GUF1: variants seen among roughly 807,000 people sequenced by gnomAD.
The protein encoded by GUF1 is GTP binding elongation factor GUF1, also known as translation factor GUF1, mitochondrial.
Under a neutral mutation model 82.4 loss-of-function variants are expected in GUF1, and 78 were observed. The observed-to-expected ratio is 0.95, with a 90% CI of 0.79 to 1.14. The LOEUF (loss-of-function observed/expected upper bound fraction) is 1.14, where lower values mean the gene tolerates loss of function less well. Ranked by LOEUF, GUF1 falls within the 50% of genes most tolerant of loss-of-function variation. The pLI is 0.00. For synonymous variants in GUF1, 279 were observed against 282.3 expected, an observed-to-expected ratio of 0.99 and a Z score of 0.12; for missense variants, 814 against 798.2, an observed-to-expected ratio of 1.02 and a Z score of -0.24.
At position 44,683,264 on chromosome 4, in the gene GUF1, G is replaced by C. The variant is rs753348196; in HGVS notation, c.615G>C (p.Arg205Ser). 5.0e-6 allele frequency: 8 copies of C among 1,585,952 alleles called. No individual in the cohort carries two copies. The African/African-American group carries it at 8.2e-5, about 16-fold the overall frequency. The change falls in exon 6 of 17, where the codon AGG becomes AGC. Residue 205 changes from arginine (R) to serine (S), a missense_variant. Coordinates refer to ENST00000281543, the MANE Select transcript of GUF1 (RefSeq NM_021927.3). Reference sequence around the variant, plus strand: ...ATCTGAAGAATGCTGATCCTGAAAGGGTTGAAAACCAAATTGAGAAAGTGT... The same window carrying C: ...ATCTGAAGAATGCTGATCCTGAAAGCGTTGAAAACCAAATTGAGAAAGTGT... ...KIDLKNADPE[R>S]VENQIEKVFD...
chr4:44,681,257 C>T (rs192069475), intron 4 of GUF1, 54 bp downstream of exon 4: 1 of 1,295,570 alleles, frequency 7.7e-7, no homozygotes, highest in Non-Finnish European at 1.1e-6. Context: ...TTGGTTGTTT[C>T]AAGAGTTTTT....
intron 13 of GUF1, among the ~76,000 whole-genome samples, chr4:44,692,401 C>T (rs528625290): frequency 6.6e-6 from 1 of 151,450 alleles, no homozygotes; most frequent in South Asian, 2.1e-4. Flanking sequence ...TTCTGAGAGG[C>T]TGTTTTTTGT....
At chr4:44,687,008 C>A (rs1715098269) in intron 8 of GUF1, among the ~76,000 whole-genome samples, 1 of 151,896 alleles carries the variant, frequency 6.6e-6, no homozygotes, top group Non-Finnish European at 1.5e-5. Flanking sequence ...TCCCTCCACC[C>A]ATATCCATAT....
chr4:44,690,079 A>G (rs912596599), intron 11 of GUF1, 104 bp downstream of exon 11: 18 of 715,058 alleles, frequency 2.5e-5, no homozygotes, highest in East Asian at 1.2e-4. Flanking sequence ...TACTATACCA[A>G]TAGCTGATTA....
intron 12 of GUF1, 131 bp downstream of exon 12, chr4:44,690,991 G>T (rs1404032284): frequency 1.6e-5 from 8 of 510,352 alleles, no homozygotes; most frequent in Non-Finnish European, 2.7e-5. Context: ...ATATATATCT[G>T]TCTATATCTA....
chr4:44,686,889 G>A (rs928379618), intron 8 of GUF1, among the ~76,000 whole-genome samples, 176 bp downstream of exon 8: 2 of 151,760 alleles, frequency 1.3e-5, no homozygotes, highest in African/African-American at 2.4e-5. Flanking sequence ...CAATAGAAAC[G>A]TCAGTTGATA....
intron 1 of GUF1, among the ~76,000 whole-genome samples, chr4:44,679,243 G>C (rs1577760176): frequency 6.6e-6 from 1 of 152,268 alleles, no homozygotes; most frequent in East Asian, 1.9e-4. Flanking sequence ...TAATTTGTGA[G>C]ATTTGTGTGA....
intron 6 of GUF1, 71 bp from the exon 7 acceptor site, chr4:44,685,888 C>T (rs1715015988): frequency 9.9e-7 from 1 of 1,005,368 alleles, no homozygotes; most frequent in South Asian, 1.4e-5. Context: ...GATCATAAGT[C>T]ACAGGTCATC....
chr4:44,685,930 G>T, intron 6 of GUF1, 29 bp from the exon 7 acceptor site: 1 of 1,477,248 alleles, frequency 6.8e-7, no homozygotes. Flanking sequence ...AACTTTAAAT[G>T]CTTATATTTT....
At position 44,690,769 on chromosome 4, in the gene GUF1, A is replaced by C. The variant is rs1715388062; in HGVS notation, c.1388A>C (p.Lys463Thr). 2 of 1,597,450 alleles carry C rather than the reference A, an allele frequency of 1.3e-6. No individual in the cohort carries two copies. Among genetic ancestry groups the C allele is most frequent in the East Asian group, 4.5e-5 (2 of 44,452 alleles). ...ATCAATCCTGCACAATTCCCCGATA[A>C]ATCAAAAGTAACAGAATATTTGGAG... is the stretch of plus-strand genomic sequence containing the variant. The part of the protein sequence containing the change: ...TIINPAQFPD[K>T]SKVTEYLEPV... The change falls in exon 12 of 17, where the codon AAA becomes ACA. Residue 463 changes from lysine to threonine, a missense_variant. Lys to Thr is a moderately conservative substitution (Grantham distance 78, BLOSUM62 -1). Coordinates refer to ENST00000281543, the MANE Select transcript of GUF1 (RefSeq NM_021927.3).
At position 44,678,526 on chromosome 4, in the gene GUF1, T is replaced by C; in HGVS notation, c.-97T>C. The C allele has an allele frequency of 1.0e-6, 1 of 996,166 alleles. No individual in the cohort carries two copies. The highest frequency in any genetic ancestry group is 1.4e-6 in the Non-Finnish European group (1 of 728,268). 61.7% of individuals were successfully genotyped at this position (996,166 alleles called of 1,614,324 possible). On this transcript the variant is annotated 5_prime_UTR_variant, in exon 1 of 17. Transcript: ENST00000281543. Reference sequence around the variant, plus strand: ...CGCTTCACAGGATCTGTTTGAGTCCTGTCCACCGGATCCTACGGGGGGTAC... The same window carrying C: ...CGCTTCACAGGATCTGTTTGAGTCCCGTCCACCGGATCCTACGGGGGGTAC...
intron 4 of GUF1, 68 bp downstream of exon 4, chr4:44,681,271 TA>T: frequency 8.7e-7 from 1 of 1,147,234 alleles, no homozygotes. Flanking sequence ...AGTTTTTCTT[TA>T]AAATGTGTTT....
chr4:44,694,273 T>C (rs554905615), intron 13 of GUF1, 139 bp from the exon 14 acceptor site: 79 of 640,110 alleles, frequency 1.2e-4, no homozygotes, highest in Non-Finnish European at 2.0e-4. Context: ...AGAAACTGTA[T>C]ATGTAATATT....
chr4:44,696,871 A>G (rs1169371814), intron 15 of GUF1, among the ~76,000 whole-genome samples: 1 of 152,206 alleles, frequency 6.6e-6, no homozygotes, highest in Non-Finnish European at 1.5e-5. Flanking sequence ...TGTCTTAAGG[A>G]ATACATAAAG....
chr4:44,694,925 G>C (rs1715700894), intron 14 of GUF1, among the ~76,000 whole-genome samples: 1 of 151,932 alleles, frequency 6.6e-6, no homozygotes, highest in Admixed American at 6.6e-5. Context: ...TCCTGCCTCA[G>C]CCTCCTGAGT....
intron 11 of GUF1, 31 bp downstream of exon 11, chr4:44,690,006 C>A: frequency 6.6e-7 from 1 of 1,505,914 alleles, no homozygotes; most frequent in Middle Eastern, 1.8e-4. Flanking sequence ...GTATTTAGTA[C>A]TGTTTTGCAT....
intron 8 of GUF1, 114 bp downstream of exon 8, chr4:44,686,827 A>G (rs1715085641): frequency 2.8e-6 from 2 of 710,434 alleles, no homozygotes; most frequent in East Asian, 2.5e-5. Context: ...AAAAAAAACT[A>G]TTTAATGCAA....
chr4:44,683,602 C>T (rs551796224), intron 6 of GUF1, among the ~76,000 whole-genome samples: 6 of 152,182 alleles, frequency 3.9e-5, no homozygotes, highest in African/African-American at 1.2e-4. Context: ...GACTAAAACA[C>T]AGGCCTTCTG....
chr4:44,696,944 G>A (rs1715863580), intron 15 of GUF1, among the ~76,000 whole-genome samples: 1 of 152,154 alleles, frequency 6.6e-6, no homozygotes, highest in Non-Finnish European at 1.5e-5. Flanking sequence ...AAATAGATTA[G>A]TTTATAACTG....
Sources: gnomAD v4.1 joint callset for allele counts (sites outside exome capture counted in the v4.1 genomes callset) on GRCh38, gnomAD v4.1.1 for gene constraint, MANE v1.5 for transcripts, NCBI Gene and HGNC (gene_info 2026-07-23, HGNC 2026-07-21) for gene names.